MOSMO: variants seen among roughly 807,000 people sequenced by gnomAD.
MOSMO encodes modulator of smoothened.
In MOSMO, 5 loss-of-function variants were observed where a neutral mutation model predicts 18.4. The ratio of observed to expected loss-of-function variants is 0.27; its 90% CI spans 0.14 to 0.57. MOSMO has a LOEUF of 0.57. Ranked by LOEUF, MOSMO falls within the 20% of genes least tolerant of loss-of-function variation. The probability of loss-of-function intolerance (pLI) is 0.92; values close to 1 mark genes in which losing one functional copy is unlikely to be tolerated. For synonymous variants in MOSMO, 82 were observed against 82.3 expected, an observed-to-expected ratio of 1.00 and a Z score of 0.02; for missense variants, 138 against 211.8, an observed-to-expected ratio of 0.65 and a Z score of 2.16.
chr16:22,008,377 C>T lies in MOSMO; in HGVS notation c.76C>T (p.Pro26Ser), dbSNP rs1188348141. ...DIFAIASIAN[P>S]DWINTGESAG... ...CTTCGCCATCGCCAGCATCGCCAAC[C>T]CGGACTGGATCAACACCGGGGAGTC... The change falls in exon 1 of 3, where the codon CCG (proline) becomes TCG (serine). Residue 26 changes from proline (P) to serine (S), a missense_variant. Pro to Ser is a moderately conservative substitution (Grantham distance 74, BLOSUM62 -1). Transcript: ENST00000542527. The T allele has an allele frequency of 6.5e-7, 1 of 1,533,730 alleles. No homozygotes were observed. Among genetic ancestry groups the T allele is most frequent in the Non-Finnish European group, 8.7e-7 (1 of 1,145,952 alleles).
intron 1 of MOSMO, among the ~76,000 whole-genome samples, chr16:22,026,354 G>A (rs1363585501): frequency 6.6e-6 from 1 of 151,798 alleles, no homozygotes; most frequent in Admixed American, 6.6e-5. Context: ...GAGTAGCTGG[G>A]ATGACAGGCA....
intron 1 of MOSMO, among the ~76,000 whole-genome samples, chr16:22,029,042 TTG>T (rs1425200646): frequency 2.0e-5 from 3 of 152,098 alleles, no homozygotes; most frequent in Admixed American, 1.3e-4. Flanking sequence ...CGGCTAATTT[TTG>T]TGTTTTTAGT....
At chr16:22,046,233 T>C (rs1463812833) in intron 1 of MOSMO, among the ~76,000 whole-genome samples, 5 of 152,224 alleles carry the variant, frequency 3.3e-5, no homozygotes, top group African/African-American at 1.2e-4. Context: ...GCTATTGCTC[T>C]GGCCAACATG....
chr16:22,036,932 A>G (rs183911409), intron 1 of MOSMO, among the ~76,000 whole-genome samples: 24 of 152,330 alleles, frequency 1.6e-4, no homozygotes, highest in African/African-American at 5.5e-4. Flanking sequence ...GGTGAAACTC[A>G]TAAGTCAGAC....
chr16:22,035,861 T>A (rs903270267), intron 1 of MOSMO, among the ~76,000 whole-genome samples: 4 of 152,306 alleles, frequency 2.6e-5, no homozygotes, highest in African/African-American at 9.6e-5. Context: ...TTGTTGTAGT[T>A]GTTACTTTTT....
rs1210920813 is a variant in MOSMO, at chr16:22,084,394, AG to A, written c.*3515del. 5 of 152,080 alleles carry A rather than the reference AG, an allele frequency of 3.3e-5. No homozygotes were observed. The highest frequency in any genetic ancestry group is 7.4e-5 in the Non-Finnish European group (5 of 68,016). 9.4% of individuals were successfully genotyped at this position (152,080 alleles called of 1,614,324 possible). A position where few individuals can be genotyped will look rare whatever the true frequency, so the allele number is the denominator to read the frequency against. ...GAAGGATAAAAACATGAAGGAAAAA[AG>A]TGGCCCGTGTAGGTAGGATTCCCTA... On this transcript the variant is annotated 3_prime_UTR_variant, in exon 3 of 3. Coordinates refer to ENST00000542527, the MANE Select transcript of MOSMO (RefSeq NM_001164579.2).
At chr16:22,028,225 C>A (rs535891097) in intron 1 of MOSMO, among the ~76,000 whole-genome samples, 1 of 152,134 alleles carries the variant, frequency 6.6e-6, no homozygotes, top group African/African-American at 2.4e-5. Context: ...ATATATCCAT[C>A]CATACAAATA....
At chr16:22,056,610 C>T (rs1900543205) in intron 1 of MOSMO, among the ~76,000 whole-genome samples, 1 of 151,568 alleles carries the variant, frequency 6.6e-6, no homozygotes, top group African/African-American at 2.4e-5. Context: ...TCTCAAGCTC[C>T]CGACCTTAGG....
intron 2 of MOSMO, among the ~76,000 whole-genome samples, chr16:22,080,158 A>G (rs1901050683): frequency 6.6e-6 from 1 of 152,082 alleles, no homozygotes; most frequent in East Asian, 1.9e-4. Flanking sequence ...ATTCCTTCTC[A>G]CTAACACTGA....
downstream of MOSMO, chr16:22,084,698 T>A (rs1172145695): frequency 1.3e-5 from 2 of 152,178 alleles, no homozygotes; most frequent in Admixed American, 1.3e-4. Flanking sequence ...AAAATTGATT[T>A]CTTATGGAGG....
At chr16:22,020,871 C>G (rs2141985176) in intron 1 of MOSMO, among the ~76,000 whole-genome samples, 1 of 152,322 alleles carries the variant, frequency 6.6e-6, no homozygotes, top group South Asian at 2.1e-4. Flanking sequence ...TATAGTTGTT[C>G]ACTGAGATTC....
Position 22,048,923 on chromosome 16 carries a change from G to A in MOSMO, c.107-26564G>A, listed in dbSNP as rs35047890. The stretch of plus-strand genomic sequence containing the variant: ...GCTTTATGTTTTCCTCACTATAACC[G>A]GTTGCCCCCGTGTTCTTCATTAACT... On this transcript the variant is annotated intron_variant, in intron 1 of 2. Transcript: ENST00000542527. Among the ~76,000 whole-genome samples, 20 of 151,894 alleles carry A rather than the reference G, an allele frequency of 1.3e-4. No homozygotes were observed. In the South Asian group the frequency reaches 1.7e-3, roughly 13 times the overall value.
intron 1 of MOSMO, among the ~76,000 whole-genome samples, chr16:22,073,277 TTGTAAC>T (rs1260321003): frequency 2.0e-5 from 3 of 152,212 alleles, no homozygotes; most frequent in African/African-American, 7.2e-5. Flanking sequence ...GTAGTTACCT[TTGTAAC>T]TGTACAGACT....
At chr16:22,028,256 TACTC>T (rs1899917026) in intron 1 of MOSMO, among the ~76,000 whole-genome samples, 1 of 152,146 alleles carries the variant, frequency 6.6e-6, no homozygotes, top group East Asian at 1.9e-4. Context: ...TTATTATGAT[TACTC>T]AGTTGCAAGC....
At chr16:22,033,270 A>C (rs756983825) in intron 1 of MOSMO, among the ~76,000 whole-genome samples, 12 of 152,220 alleles carry the variant, frequency 7.9e-5, no homozygotes, top group Non-Finnish European at 1.6e-4. Flanking sequence ...TTGAATCTGT[A>C]GATCAACTTG....
At chr16:22,042,513 G>T (rs1032063653) in intron 1 of MOSMO, among the ~76,000 whole-genome samples, 14 of 152,208 alleles carry the variant, frequency 9.2e-5, no homozygotes, top group Non-Finnish European at 2.9e-5. Context: ...CCTTTGATTT[G>T]CTAGAACATA....
At chr16:22,068,138 G>A (rs970135949) in intron 1 of MOSMO, among the ~76,000 whole-genome samples, 6 of 152,116 alleles carry the variant, frequency 3.9e-5, no homozygotes, top group Non-Finnish European at 8.8e-5. Flanking sequence ...AAATGTAAAA[G>A]TCAGTACAAA....
At chr16:22,009,895 G>A (rs1246864141) in intron 1 of MOSMO, among the ~76,000 whole-genome samples, 1 of 150,686 alleles carries the variant, frequency 6.6e-6, no homozygotes, top group East Asian at 1.9e-4. Flanking sequence ...AGGAGGTGAG[G>A]CAGGAGAATC....
Position 22,060,535 on chromosome 16 carries a change from A to G in MOSMO, c.107-14952A>G, listed in dbSNP as rs184886032. ...TTGAAAATACAAAGTGTTGATGAGT[A>G]TGGTGAACAACTAGATTTTTAGATA... On this transcript the variant is annotated intron_variant, in intron 1 of 2. Coordinates refer to ENST00000542527, the MANE Select transcript of MOSMO (RefSeq NM_001164579.2). Among the ~76,000 whole-genome samples the G allele has an allele frequency of 5.4e-4, 82 of 152,336 alleles. No individual in the cohort carries two copies. The Middle Eastern group carries it at 0.01, about 19-fold the overall frequency.
Sources: gnomAD v4.1 joint callset for allele counts (sites outside exome capture counted in the v4.1 genomes callset) on GRCh38, gnomAD v4.1.1 for gene constraint, MANE v1.5 for transcripts, NCBI Gene and HGNC (gene_info 2026-07-23, HGNC 2026-07-21) for gene names.